TEK: variants seen among roughly 807,000 people sequenced by gnomAD.
TEK encodes angiopoietin-1 receptor.
In TEK, 43 loss-of-function variants were observed where a neutral mutation model predicts 131.8. The observed-to-expected ratio is 0.33, with a 90% CI of 0.26 to 0.42. The LOEUF (loss-of-function observed/expected upper bound fraction) is 0.42, where lower values mean the gene tolerates loss of function less well. Ranked by LOEUF, TEK falls within the 10% of genes least tolerant of loss-of-function variation. The pLI, the probability that TEK is intolerant of heterozygous loss-of-function variation, is 1.00. For missense variants in TEK, 1,162 were observed against 1,384.4 expected, an observed-to-expected ratio of 0.84 and a Z score of 2.55; for synonymous variants, 580 against 491.6, an observed-to-expected ratio of 1.18 and a Z score of -2.38.
At chr9:27,224,356 CT>C (rs879596847) in intron 21 of TEK, among the ~76,000 whole-genome samples, 83 of 152,196 alleles carry the variant, frequency 5.5e-4, no homozygotes, top group Admixed American at 2.6e-3. Context: ...TGCGAAAATT[CT>C]CAATAAAATA....
intron 21 of TEK, among the ~76,000 whole-genome samples, chr9:27,223,801 A>G (rs7469787): frequency 0.54 from 81,493 of 151,586 alleles, 22,159 homozygotes; most frequent in South Asian, 0.58. Flanking sequence ...GACATGAAAA[A>G]CCCTTCAAAA....
rs577778143 is a variant in TEK, at chr9:27,215,354, C to T, written c.2991+1757C>T. Among the ~76,000 whole-genome samples the T allele has an allele frequency of 2.6e-5, 4 of 152,210 alleles. No homozygotes were observed. The South Asian group carries it at 8.3e-4, about 32-fold the overall frequency. ...GGAAGAAAGAAGGATTGGAGAGGAG[C>T]AAGTTCCCTGCAAGAAAGGTGCAGT... is the stretch of plus-strand genomic sequence containing the variant. On this transcript the variant is annotated intron_variant, in intron 18 of 22. Coordinates refer to ENST00000380036, the MANE Select transcript of TEK (RefSeq NM_000459.5).
intron 11 of TEK, 98 bp downstream of exon 11, chr9:27,192,721 GGGT>G: frequency 1.0e-6 from 1 of 956,344 alleles, no homozygotes; most frequent in Non-Finnish European, 1.6e-6. Context: ...GTGGGTGAGT[GGGT>G]GGGTGGGGAT....
chr9:27,211,175 A>ATATATATGAATATATG (rs1245379093), intron 16 of TEK, among the ~76,000 whole-genome samples: 44,216 of 88,172 alleles, frequency 0.5, 7,793 homozygotes, highest in East Asian at 0.69. Flanking sequence ...GTATGTGTAT[A>ATATATATGAATATATG]TATATATATG....
intron 1 of TEK, among the ~76,000 whole-genome samples, chr9:27,126,201 C>G (rs1587485856): frequency 6.6e-6 from 1 of 152,296 alleles, no homozygotes; most frequent in South Asian, 2.1e-4. Flanking sequence ...ACATTGAACT[C>G]ATAGCCAGAG....
rs1173433582 is a variant in TEK, at chr9:27,220,086, C to G, written c.3141C>G (p.Leu1047=). Residue 1047 remains leucine, a synonymous_variant, in exon 21 of 23, where the codon CTC becomes CTG. Coordinates refer to ENST00000380036, the MANE Select transcript of TEK (RefSeq NM_000459.5). The stretch of plus-strand genomic sequence containing the variant: ...ACTGCGGGATGACTTGTGCAGAACT[C>G]TACGAGAAGCTGCCCCAGGGCTACA... ...TPYCGMTCAE[L]YEKLPQGYRL... is the part of the protein sequence containing the mutation. 6.2e-7 allele frequency: 1 copy of G among 1,613,958 alleles called. No homozygotes were observed. The highest frequency in any genetic ancestry group is 1.3e-5 in the African/African-American group (1 of 74,902).
intron 13 of TEK, 73 bp from the exon 14 acceptor site, chr9:27,204,838 C>G (rs1825346225): frequency 6.3e-7 from 1 of 1,585,244 alleles, no homozygotes; most frequent in African/African-American, 1.3e-5. Context: ...ACTGTGTCTT[C>G]TCCCACATAC....
chr9:27,132,517 C>A (rs1822264304), intron 1 of TEK, among the ~76,000 whole-genome samples: 1 of 151,940 alleles, frequency 6.6e-6, no homozygotes, highest in African/African-American at 2.4e-5. Context: ...CAGTGTCTTT[C>A]CTGGATATTT....
At chr9:27,131,259 A>G (rs1006349449) in intron 1 of TEK, among the ~76,000 whole-genome samples, 1 of 152,096 alleles carries the variant, frequency 6.6e-6, no homozygotes, top group African/African-American at 2.4e-5. Context: ...AGGCTGGCAG[A>G]TCACTTAAGG....
intron 18 of TEK, among the ~76,000 whole-genome samples, chr9:27,215,587 A>G (rs1180377931): frequency 8.2e-5 from 12 of 146,404 alleles, no homozygotes; most frequent in Admixed American, 1.4e-4. Context: ...TAAGTTACCC[A>G]GGGTGATTTT....
intron 2 of TEK, among the ~76,000 whole-genome samples, chr9:27,159,284 A>G (rs561875215): frequency 6.6e-6 from 1 of 152,234 alleles, no homozygotes; most frequent in Non-Finnish European, 1.5e-5. Context: ...TCTACATTTC[A>G]TGTACATGAG....
At chr9:27,191,901 AT>A in intron 10 of TEK, 1 of 453,304 alleles carries the variant, frequency 2.2e-6, no homozygotes, top group Non-Finnish European at 4.4e-6. Flanking sequence ...AATTTATCAT[AT>A]GATAAGGCAG....
At chr9:27,216,687 T>A (rs1037759896) in intron 18 of TEK, among the ~76,000 whole-genome samples, 4 of 152,178 alleles carry the variant, frequency 2.6e-5, no homozygotes, top group African/African-American at 7.2e-5. Flanking sequence ...CACAAAGAAC[T>A]GGGAGACAAT....
At chr9:27,163,001 A>G (rs1823599477) in intron 2 of TEK, among the ~76,000 whole-genome samples, 1 of 152,230 alleles carries the variant, frequency 6.6e-6, no homozygotes, top group South Asian at 2.1e-4. Flanking sequence ...GGCGTGAGCC[A>G]GTGCGCCCAG....
At chr9:27,126,487 T>C (rs1821994755) in intron 1 of TEK, among the ~76,000 whole-genome samples, 1 of 152,212 alleles carries the variant, frequency 6.6e-6, no homozygotes, top group East Asian at 1.9e-4. Flanking sequence ...TTCAAATGAC[T>C]GGGAAAGTGC....
chr9:27,173,230 C>G lies in TEK; in HGVS notation c.769C>G (p.Leu257Val). 6.2e-7 allele frequency: 1 copy of G among 1,614,026 alleles called. No individual in the cohort carries two copies. Among genetic ancestry groups the G allele is most frequent in the South Asian group, 1.1e-5 (1 of 91,088 alleles). Reference sequence around the variant, plus strand: ...TTCTTTTCCTCCCAAAGCTTGTGAACTGCACACGTTTGGCAGAACTTGTAA... The same window carrying G: ...TTCTTTTCCTCCCAAAGCTTGTGAAGTGCACACGTTTGGCAGAACTTGTAA... ...MGRTCEKACE[L>V]HTFGRTCKER... Residue 257 changes from leucine (L) to valine (V), a missense_variant, in exon 6 of 23, where the codon CTG (leucine) becomes GTG (valine). By Grantham distance (32) the Leu-to-Val change is conservative. This residue lies in a region of TEK where 436 missense variants were observed against 539.1 expected (regional missense o/e 0.81). Transcript: ENST00000380036.
rs369682417 is a variant in TEK, at chr9:27,204,693, G to GT, written c.2210-204dup. On this transcript the variant is annotated intron_variant, in intron 13 of 22. Transcript: ENST00000380036. ...GCTAATTGTAACAGCACTTTTGCAT[G>GT]TTTTTTTTTTTTTTAATCTTATTAC... Among the ~76,000 whole-genome samples the GT allele has an allele frequency of 0.11, 16,484 of 144,084 alleles. 1,102 individuals are homozygous for GT. The highest frequency in any genetic ancestry group is 0.16 in the Non-Finnish European group (10,317 of 65,752). 94.5% of individuals were successfully genotyped at this position (144,084 alleles called of 152,430 possible). A position where few individuals can be genotyped will look rare whatever the true frequency, so the allele number is the denominator to read the frequency against.
chr9:27,171,847 A>G (rs567163236), intron 4 of TEK, among the ~76,000 whole-genome samples: 4 of 152,138 alleles, frequency 2.6e-5, no homozygotes, highest in South Asian at 2.1e-4. Context: ...CTTTTATTCC[A>G]CTACTCAGGA....
intron 16 of TEK, among the ~76,000 whole-genome samples, chr9:27,212,018 G>A (rs1825653145): frequency 6.9e-6 from 1 of 145,228 alleles, no homozygotes; most frequent in African/African-American, 2.6e-5. Context: ...AGAGAGAAAT[G>A]ATGTGGAACA....
Sources: allele counts gnomAD v4.1 joint callset (sites outside exome capture counted in the v4.1 genomes callset), GRCh38; gene constraint gnomAD v4.1.1; regional missense constraint gnomAD v4.1.1; transcripts MANE v1.5; gene names NCBI Gene and HGNC (gene_info 2026-07-23, HGNC 2026-07-21).